The following SEM1 variants were observed in gnomAD, a reference collection of about 807,000 sequenced individuals.
SEM1 encodes the protein SEM1 26S proteasome subunit.
A neutral mutation model predicts 12.7 loss-of-function variants in SEM1; 3 were observed. The ratio of observed to expected loss-of-function variants is 0.24; its 90% CI spans 0.11 to 0.61. The LOEUF is 0.61. Ranked by LOEUF, SEM1 falls within the 20% of genes least tolerant of loss-of-function variation. The probability of loss-of-function intolerance (pLI) is 0.88; values close to 1 mark genes in which losing one functional copy is unlikely to be tolerated. For missense variants in SEM1, 59 were observed against 81.3 expected, an observed-to-expected ratio of 0.73 and a Z score of 1.06; for synonymous variants, 30 against 27.8, an observed-to-expected ratio of 1.08 and a Z score of -0.25.
At chr7:96,522,098 C>T (rs773152426) in intron 2 of SEM1, among the ~76,000 whole-genome samples, 21 of 151,948 alleles carry the variant, frequency 1.4e-4, no homozygotes, top group Non-Finnish European at 2.2e-4. Flanking sequence ...GTTAATTACC[C>T]TCGAAAGGAT....
At chr7:96,605,721 A>T (rs1807331244) in intron 2 of SEM1, among the ~76,000 whole-genome samples, 1 of 151,578 alleles carries the variant, frequency 6.6e-6, no homozygotes, top group Admixed American at 6.6e-5. Context: ...GGTTTCTTTG[A>T]TTGCCGTACA....
intron 2 of SEM1, among the ~76,000 whole-genome samples, chr7:96,610,016 G>T (rs777992869): frequency 6.6e-6 from 1 of 151,986 alleles, no homozygotes. Flanking sequence ...CAGTTAAAGA[G>T]CTTTCCCAGT....
intron 2 of SEM1, among the ~76,000 whole-genome samples, chr7:96,607,723 T>G (rs565931642): frequency 8.5e-5 from 13 of 152,184 alleles, no homozygotes; most frequent in Non-Finnish European, 1.8e-4. Flanking sequence ...GAGTCACTTT[T>G]GCCCATTCCC....
intron 2 of SEM1, among the ~76,000 whole-genome samples, chr7:96,659,586 A>G (rs1356405027): frequency 2.0e-5 from 3 of 152,208 alleles, no homozygotes; most frequent in African/African-American, 7.2e-5. Flanking sequence ...CATTATTTGC[A>G]TAAAGTAGTG....
chr7:96,557,166 C>T (rs1243007206), intron 2 of SEM1, among the ~76,000 whole-genome samples: 2 of 151,190 alleles, frequency 1.3e-5, no homozygotes, highest in Admixed American at 6.6e-5. Context: ...GTAATTTGAT[C>T]GTCTGAAGCC....
At chr7:96,483,703 G>T in exon 4 of SEM1, 6 of 871,234 alleles carry the variant, frequency 6.9e-6, no homozygotes, top group Non-Finnish European at 1.1e-5. Flanking sequence ...GTCTGAACTT[G>T]TCATGTGACC....
chr7:96,646,661 C>G (rs1385066185), intron 2 of SEM1, among the ~76,000 whole-genome samples: 1 of 152,182 alleles, frequency 6.6e-6, no homozygotes, highest in Non-Finnish European at 1.5e-5. Context: ...CTCCCACTCC[C>G]ACCTCCGACT....
intron 2 of SEM1, among the ~76,000 whole-genome samples, chr7:96,658,854 A>G (rs1337877564): frequency 1.3e-5 from 2 of 152,186 alleles, no homozygotes; most frequent in Admixed American, 1.3e-4. Flanking sequence ...TTAGTGGTGC[A>G]ACAGGAAACT....
chr7:96,540,548 TGATA>T (rs1289624196), intron 2 of SEM1, among the ~76,000 whole-genome samples: 1 of 151,772 alleles, frequency 6.6e-6, no homozygotes, highest in Non-Finnish European at 1.5e-5. Flanking sequence ...TGACAGATAA[TGATA>T]GATAAACTTC....
intron 2 of SEM1, chr7:96,558,382 C>T (rs62471401): frequency 0.23 from 35,047 of 152,088 alleles, 4,597 homozygotes; most frequent in Non-Finnish European, 0.3. Flanking sequence ...GTGACGGTGC[C>T]GGATTACGAT....
intron 1 of SEM1, among the ~76,000 whole-genome samples, chr7:96,702,886 T>C (rs1790312526): frequency 6.6e-6 from 1 of 152,122 alleles, no homozygotes; most frequent in African/African-American, 2.4e-5. Context: ...TAGGCACAGG[T>C]GAGGAACATT....
chr7:96,583,033 C>A (rs1166894117), intron 2 of SEM1, among the ~76,000 whole-genome samples: 3 of 152,126 alleles, frequency 2.0e-5, no homozygotes, highest in Non-Finnish European at 2.9e-5. Context: ...TGTGTTTGCT[C>A]TTGCTTTTCT....
chr7:96,700,554 T>C (rs897282735), intron 1 of SEM1, among the ~76,000 whole-genome samples: 1 of 152,178 alleles, frequency 6.6e-6, no homozygotes, highest in African/African-American at 2.4e-5. Flanking sequence ...AAAATCTGTG[T>C]ATAAATGGAC....
intron 2 of SEM1, among the ~76,000 whole-genome samples, chr7:96,660,621 T>C (rs1788971865): frequency 6.6e-6 from 1 of 152,184 alleles, no homozygotes; most frequent in Admixed American, 6.5e-5. Context: ...TAGAGATTTC[T>C]ATCTTACTAT....
intron 2 of SEM1, among the ~76,000 whole-genome samples, chr7:96,680,702 A>G (rs1203891845): frequency 1.3e-5 from 2 of 152,152 alleles, no homozygotes; most frequent in Non-Finnish European, 2.9e-5. Context: ...AGGAATCAGA[A>G]TAACATTATA....
intron 3 of SEM1, among the ~76,000 whole-genome samples, chr7:96,504,394 C>T (rs1803678604): frequency 6.6e-6 from 1 of 152,024 alleles, no homozygotes; most frequent in Admixed American, 6.6e-5. Flanking sequence ...TTTTCAAAAA[C>T]TTTTTAATAT....
downstream of SEM1, among the ~76,000 whole-genome samples, chr7:96,687,028 C>T (rs147393676): frequency 2.0e-3 from 303 of 152,166 alleles, 3 homozygotes; most frequent in East Asian, 0.022. Context: ...AAAAGACACA[C>T]GAAAAAATGC....
intron 2 of SEM1, among the ~76,000 whole-genome samples, chr7:96,614,635 G>T (rs1032554634): frequency 6.6e-6 from 1 of 152,124 alleles, no homozygotes; most frequent in East Asian, 1.9e-4. Flanking sequence ...CTTAGCTCCT[G>T]GTGTAACATA....
At chr7:96,539,357 A>C (rs1263997635) in intron 2 of SEM1, among the ~76,000 whole-genome samples, 2 of 151,864 alleles carry the variant, frequency 1.3e-5, no homozygotes, top group East Asian at 3.9e-4. Context: ...TTTGGTATGT[A>C]GCAATAGATA....
Sources: gnomAD v4.1 joint callset for allele counts (sites outside exome capture counted in the v4.1 genomes callset) on GRCh38, gnomAD v4.1.1 for gene constraint, MANE v1.5 for transcripts, NCBI Gene and HGNC (gene_info 2026-07-23, HGNC 2026-07-21) for gene names.